DCDC2: variants seen among roughly 807,000 people sequenced by gnomAD.
The protein encoded by DCDC2 is doublecortin domain containing 2.
In DCDC2, 40 loss-of-function variants were observed where a neutral mutation model predicts 50.2. The observed-to-expected ratio is 0.80, with a 90% CI of 0.62 to 1.04. The LOEUF (loss-of-function observed/expected upper bound fraction) is 1.04, where lower values mean the gene tolerates loss of function less well. Ranked by LOEUF, DCDC2 falls within the 50% of genes least tolerant of loss-of-function variation. The pLI, the probability that DCDC2 is intolerant of heterozygous loss-of-function variation, is 0.00. For missense variants in DCDC2, 570 were observed against 581.9 expected, an observed-to-expected ratio of 0.98 and a Z score of 0.21; for synonymous variants, 234 against 210.6, an observed-to-expected ratio of 1.11 and a Z score of -0.96.
chr6:24,292,164 T>A (rs1015819410), intron 4 of DCDC2, among the ~76,000 whole-genome samples: 2 of 152,020 alleles, frequency 1.3e-5, no homozygotes, highest in Non-Finnish European at 2.9e-5. Flanking sequence ...ATTTTAAATG[T>A]CCACAAAAAT....
intron 7 of DCDC2, among the ~76,000 whole-genome samples, chr6:24,212,160 C>G (rs755036876): frequency 6.6e-6 from 1 of 152,152 alleles, no homozygotes; most frequent in Admixed American, 6.5e-5. Context: ...TAACTAATGT[C>G]TCATGATCTG....
At chr6:24,278,644 T>C (rs1012147764) in intron 6 of DCDC2, among the ~76,000 whole-genome samples, 9 of 152,270 alleles carry the variant, frequency 5.9e-5, no homozygotes, top group African/African-American at 2.2e-4. Context: ...CCAAAACCAC[T>C]GTAAATCCAC....
At chr6:24,201,639 A>G (rs1425858278) in intron 8 of DCDC2, among the ~76,000 whole-genome samples, 3 of 152,170 alleles carry the variant, frequency 2.0e-5, no homozygotes, top group African/African-American at 7.2e-5. Context: ...AGAAGACAAG[A>G]AATAACTAAG....
At chr6:24,247,344 T>TAC (rs1159540842) in intron 7 of DCDC2, among the ~76,000 whole-genome samples, 1 of 151,746 alleles carries the variant, frequency 6.6e-6, no homozygotes. Flanking sequence ...TTTATATATA[T>TAC]ATATAAAATC....
the DCDC2 span, among the ~76,000 whole-genome samples, chr6:24,372,147 C>A: frequency 2.0e-5 from 3 of 152,122 alleles, no homozygotes; most frequent in African/African-American, 4.8e-5. Context: ...ATAGGCCGGG[C>A]GCGGTGGCTC....
At chr6:24,380,077 A>T in the DCDC2 span, among the ~76,000 whole-genome samples, 1,302 of 152,066 alleles carry the variant, frequency 8.6e-3, 9 homozygotes, top group Non-Finnish European at 0.014. Flanking sequence ...CATTAGGAGA[A>T]ATACCTAATG....
chr6:24,359,114 A>ATTATATATT (rs1760578342), upstream of DCDC2, among the ~76,000 whole-genome samples: 4 of 56,356 alleles, frequency 7.1e-5, no homozygotes, highest in African/African-American at 4.4e-4. Flanking sequence ...TATATTATAT[A>ATTATATATT]TTATATATAT....
rs3077132 is a variant in DCDC2 at position 24,289,971 on chromosome 6, CTTTTTTTTTTTTTTTTT to C, written c.704+944_704+960del. 7.5e-4 allele frequency among the ~76,000 whole-genome samples: 46 copies of C among 61,036 alleles called. 5 individuals are homozygous for C. The highest frequency in any genetic ancestry group is 1.9e-3 in the African/African-American group (37 of 19,306). The allele number at this position is 61,036 out of a possible 152,430, so 40.0% of individuals were successfully genotyped here. On this transcript the variant is annotated intron_variant, in intron 5 of 9. Coordinates refer to ENST00000378454, the MANE Select transcript of DCDC2 (RefSeq NM_016356.5). ...TCCTGCAGCATGGGCCAGAGCTCTT[CTTTTTTTTTTTTTTTTT>C]TTTTTTTTTTTTTTTTTTTTTTTGA...
chr6:24,311,644 C>G (rs1351706968), intron 2 of DCDC2, among the ~76,000 whole-genome samples: 2 of 152,132 alleles, frequency 1.3e-5, no homozygotes, highest in African/African-American at 4.8e-5. Context: ...TCAAAATAAC[C>G]TTATGAGGCT....
intron 7 of DCDC2, among the ~76,000 whole-genome samples, chr6:24,218,497 T>C (rs1218353167): frequency 6.6e-6 from 1 of 152,202 alleles, no homozygotes; most frequent in Non-Finnish European, 1.5e-5. Context: ...TCAGTTTTGT[T>C]TTGCTTTTTT....
At position 24,357,943 on chromosome 6, in the gene DCDC2, G is replaced by A. The variant is rs948681872; in HGVS notation, c.-193C>T. 6.6e-7 allele frequency: 1 copy of A among 1,508,880 alleles called. No individual in the cohort carries two copies. Among genetic ancestry groups the A allele is most frequent in the Admixed American group, 2.3e-5 (1 of 43,164 alleles). The allele number at this position is 1,508,880 out of a possible 1,614,324, so 93.5% of individuals were successfully genotyped here. On this transcript the variant is annotated 5_prime_UTR_variant, in exon 1 of 10. Coordinates refer to ENST00000378454, the MANE Select transcript of DCDC2 (RefSeq NM_016356.5). Reference sequence around the variant, plus strand: ...CCAGAGGAGACACTAGGAGCTTGCAGGACTCGGAGTAGACGCTCAAGTTTT... The same window carrying A: ...CCAGAGGAGACACTAGGAGCTTGCAAGACTCGGAGTAGACGCTCAAGTTTT...
At chr6:24,195,187 G>C (rs1046441274) in intron 8 of DCDC2, among the ~76,000 whole-genome samples, 1 of 152,116 alleles carries the variant, frequency 6.6e-6, no homozygotes, top group Non-Finnish European at 1.5e-5. Flanking sequence ...GGTGCTGGCA[G>C]GAAACATGAG....
At chr6:24,308,808 T>C (rs190099801) in intron 2 of DCDC2, among the ~76,000 whole-genome samples, 1 of 152,262 alleles carries the variant, frequency 6.6e-6, no homozygotes, top group Admixed American at 6.5e-5. Flanking sequence ...TTCCATGCGC[T>C]TTAGCAAATT....
rs1220250521 is a variant in DCDC2, at chr6:24,291,085, A to G, written c.558-7T>C. On this transcript the variant is annotated splice_region_variant and splice_polypyrimidine_tract_variant and intron_variant, in intron 4 of 9. Transcript: ENST00000378454. ...TCCTTCTAAAGTATAAAGCCTGTCG[A>G]AAATATGAACACCAACAATTAGAAT... is the stretch of plus-strand genomic sequence containing the variant. 8 of 1,607,634 alleles carry G rather than the reference A, an allele frequency of 5.0e-6. No individual in the cohort carries two copies. The highest frequency in any genetic ancestry group is 1.3e-5 in the African/African-American group (1 of 74,708).
intron 7 of DCDC2, among the ~76,000 whole-genome samples, chr6:24,223,708 T>G (rs1336239124): frequency 6.6e-6 from 1 of 152,248 alleles, no homozygotes; most frequent in Non-Finnish European, 1.5e-5. Flanking sequence ...TAAATGGCAT[T>G]GGATAAGGAT....
chr6:24,219,706 C>A (rs1050565589), intron 7 of DCDC2, among the ~76,000 whole-genome samples: 2 of 152,230 alleles, frequency 1.3e-5, no homozygotes, highest in South Asian at 2.1e-4. Flanking sequence ...CTATCACCAA[C>A]CACGTTAAAA....
At chr6:24,370,662 T>G in the DCDC2 span, among the ~76,000 whole-genome samples, 1 of 152,122 alleles carries the variant, frequency 6.6e-6, no homozygotes, top group Non-Finnish European at 1.5e-5. Context: ...GCAAGCTGTT[T>G]TTATGCAACT....
chr6:24,219,709 C>T lies in DCDC2; in HGVS notation c.923-14607G>A, dbSNP rs138661001. ...TTTAATGCTCCACTATCACCAACCA[C>T]GTTAAAATTCTTAATCATTTTATCC... On this transcript the variant is annotated intron_variant, in intron 7 of 9. Coordinates refer to ENST00000378454, the MANE Select transcript of DCDC2 (RefSeq NM_016356.5). Among the ~76,000 whole-genome samples, 68 of 152,326 alleles carry T rather than the reference C, an allele frequency of 4.5e-4. 1 individual carries two copies. The highest frequency in any genetic ancestry group is 3.4e-3 in the Middle Eastern group (1 of 294).
intron 7 of DCDC2, among the ~76,000 whole-genome samples, chr6:24,251,226 C>G (rs1038725505): frequency 2.0e-5 from 3 of 152,168 alleles, no homozygotes; most frequent in Non-Finnish European, 4.4e-5. Context: ...CAAAACTGGA[C>G]AGTTTCAGGG....
Sources: allele counts gnomAD v4.1 joint callset (sites outside exome capture counted in the v4.1 genomes callset), GRCh38; gene constraint gnomAD v4.1.1; transcripts MANE v1.5; gene names NCBI Gene and HGNC (gene_info 2026-07-23, HGNC 2026-07-21).